ULK4: variants seen among roughly 807,000 people sequenced by gnomAD.
ULK4 encodes the protein inactive serine/threonine-protein kinase ULK4.
A neutral mutation model predicts 160.6 loss-of-function variants in ULK4; 133 were observed. The observed-to-expected ratio is 0.83, with a 90% CI of 0.72 to 0.96. The LOEUF is 0.96. Ranked by LOEUF, ULK4 falls within the 40% of genes least tolerant of loss-of-function variation. ULK4 has a pLI of 0.00. For missense variants in ULK4, 1,580 were observed against 1,499.5 expected (o/e 1.05, Z -0.89); for synonymous variants, 534 against 539.8 (o/e 0.99, Z 0.15).
At chr3:41,353,699 TTACTACTACTACTACTACTACTAC>T (rs4016416) in intron 35 of ULK4, among the ~76,000 whole-genome samples, 10 of 143,956 alleles carry the variant, frequency 6.9e-5, no homozygotes, top group African/African-American at 1.0e-4. Flanking sequence ...ATAATTACAA[TTACTACTACTACTACTACTACTAC>T]TACTACTACT....
intron 32 of ULK4, among the ~76,000 whole-genome samples, chr3:41,489,582 C>T (rs541370200): frequency 6.6e-6 from 1 of 152,274 alleles, no homozygotes; most frequent in South Asian, 2.1e-4. Flanking sequence ...TGACCCCCCA[C>T]CTCAGTAGGA....
chr3:41,348,712 A>T (rs2080853724), intron 35 of ULK4, among the ~76,000 whole-genome samples: 1 of 152,220 alleles, frequency 6.6e-6, no homozygotes, highest in Admixed American at 6.5e-5. Flanking sequence ...AAAAGAGGTT[A>T]ACAGAAGTCC....
chr3:41,379,310 T>C (rs1237519802), intron 35 of ULK4, among the ~76,000 whole-genome samples: 3 of 152,154 alleles, frequency 2.0e-5, no homozygotes, highest in Non-Finnish European at 4.4e-5. Context: ...AAAAATGTTA[T>C]ATGCATAAAT....
chr3:41,853,035 T>A (rs750443572), intron 17 of ULK4, among the ~76,000 whole-genome samples: 11 of 152,210 alleles, frequency 7.2e-5, no homozygotes, highest in Non-Finnish European at 1.3e-4. Flanking sequence ...TCTGCTAGGC[T>A]GGAAAACTGA....
chr3:41,660,443 C>T (rs1301645299), intron 30 of ULK4, among the ~76,000 whole-genome samples: 2 of 152,046 alleles, frequency 1.3e-5, no homozygotes. Context: ...CAGTATCTAC[C>T]TTTTTAAAAA....
At chr3:41,386,801 TG>T (rs2081822968) in intron 35 of ULK4, among the ~76,000 whole-genome samples, 1 of 152,154 alleles carries the variant, frequency 6.6e-6, no homozygotes, top group African/African-American at 2.4e-5. Flanking sequence ...AGCTGATGTG[TG>T]GGGAAATGAG....
intron 22 of ULK4, among the ~76,000 whole-genome samples, chr3:41,733,037 G>A (rs2037886583): frequency 2.0e-5 from 3 of 152,036 alleles, no homozygotes; most frequent in Non-Finnish European, 4.4e-5. Flanking sequence ...GTGTTCTATT[G>A]CACAGTAAGG....
intron 27 of ULK4, among the ~76,000 whole-genome samples, chr3:41,695,671 C>G (rs1018847371): frequency 6.6e-6 from 1 of 152,108 alleles, no homozygotes; most frequent in African/African-American, 2.4e-5. Context: ...ATGGCCATGT[C>G]CTGTGTGGGC....
At chr3:41,416,447 C>A (rs1476971155) in intron 34 of ULK4, among the ~76,000 whole-genome samples, 1 of 152,140 alleles carries the variant, frequency 6.6e-6, no homozygotes, top group Non-Finnish European at 1.5e-5. Context: ...CCTAGAATGA[C>A]GCCGTCATGT....
rs1157622865 is a variant in ULK4, at chr3:41,643,128, C to G, written c.3071+20479G>C. On this transcript the variant is annotated intron_variant, in intron 30 of 36. Coordinates refer to ENST00000301831, the MANE Select transcript of ULK4 (RefSeq NM_017886.4). ...ATGAGTAGGTTGTGAAAATTTTCTC[C>G]CATTTTGTAGGTTGCCTGTTCACTC... Among the ~76,000 whole-genome samples, 3 of 151,988 alleles carry G rather than the reference C, an allele frequency of 2.0e-5. No homozygotes were observed. In the East Asian group the frequency reaches 5.8e-4, roughly 29 times the overall value.
At chr3:41,629,047 T>C (rs2033644840) in intron 30 of ULK4, among the ~76,000 whole-genome samples, 1 of 152,230 alleles carries the variant, frequency 6.6e-6, no homozygotes, top group African/African-American at 2.4e-5. Context: ...ATTTCATCTT[T>C]ATAGTGTTTT....
chr3:41,879,132 G>A (rs915843814), intron 17 of ULK4, among the ~76,000 whole-genome samples: 8 of 151,926 alleles, frequency 5.3e-5, no homozygotes, highest in South Asian at 4.2e-4. Context: ...ATATCTAAAC[G>A]CAATCCTGGC....
chr3:41,576,053 C>G (rs1246052292), intron 31 of ULK4, among the ~76,000 whole-genome samples: 1 of 152,210 alleles, frequency 6.6e-6, no homozygotes, highest in Admixed American at 6.5e-5. Context: ...AGAGGCCAAT[C>G]TGCCACACAA....
chr3:41,688,552 T>C (rs905110876), intron 27 of ULK4, among the ~76,000 whole-genome samples: 1 of 152,214 alleles, frequency 6.6e-6, no homozygotes, highest in East Asian at 1.9e-4. Flanking sequence ...TTTAAAAGAT[T>C]TGAACTTATA....
chr3:41,749,902 G>A (rs1352015841), intron 22 of ULK4, among the ~76,000 whole-genome samples: 1 of 152,282 alleles, frequency 6.6e-6, no homozygotes, highest in South Asian at 2.1e-4. Context: ...GCCACCAAGA[G>A]AAAGTAAACA....
At chr3:41,800,425 G>A in intron 19 of ULK4, 132 bp from the exon 20 acceptor site, 6 of 764,536 alleles carry the variant, frequency 7.8e-6, no homozygotes, top group South Asian at 2.0e-5. Flanking sequence ...AACTTGGGAG[G>A]AATGATAACT....
intron 30 of ULK4, among the ~76,000 whole-genome samples, chr3:41,646,967 T>C (rs2034524912): frequency 6.6e-6 from 1 of 152,366 alleles, no homozygotes; most frequent in African/African-American, 2.4e-5. Flanking sequence ...TGATACCCTT[T>C]CTTCCAGTTG....
intron 32 of ULK4, among the ~76,000 whole-genome samples, chr3:41,474,967 G>T (rs1291111397): frequency 6.6e-6 from 1 of 152,066 alleles, no homozygotes; most frequent in African/African-American, 2.4e-5. Context: ...ATTACCATAT[G>T]ATCCAGAAAT....
At chr3:41,496,357 T>G (rs945790633) in intron 32 of ULK4, among the ~76,000 whole-genome samples, 2 of 152,056 alleles carry the variant, frequency 1.3e-5, no homozygotes, top group Admixed American at 1.3e-4. Flanking sequence ...AGGCAACTGT[T>G]TTTCAAATGT....
Sources: allele counts gnomAD v4.1 joint callset (sites outside exome capture counted in the v4.1 genomes callset), GRCh38; gene constraint gnomAD v4.1.1; transcripts MANE v1.5; gene names NCBI Gene and HGNC (gene_info 2026-07-23, HGNC 2026-07-21).